The following CHRM3 variants were observed in gnomAD, a reference collection of about 807,000 sequenced individuals.
CHRM3 encodes muscarinic acetylcholine receptor M3.
In CHRM3, 11 loss-of-function variants were observed where a neutral mutation model predicts 41.8. That is an observed-to-expected ratio of 0.26 (90% CI 0.17 to 0.44). CHRM3 has a LOEUF of 0.44. Ranked by LOEUF, CHRM3 falls within the 20% of genes least tolerant of loss-of-function variation. The pLI is 1.00. For missense variants in CHRM3, 571 were observed against 745.4 expected (o/e 0.77, Z 2.72); for synonymous variants, 297 against 301.4 (o/e 0.99, Z 0.15).
chr1:239,676,706 C>T (rs948577364), intron 4 of CHRM3, among the ~76,000 whole-genome samples: 2 of 152,168 alleles, frequency 1.3e-5, no homozygotes, highest in Non-Finnish European at 2.9e-5. Flanking sequence ...AGCTCCTTAA[C>T]CTCAGTTCCC....
intron 3 of CHRM3, among the ~76,000 whole-genome samples, chr1:239,598,583 T>C (rs1665090157): frequency 6.6e-6 from 1 of 152,062 alleles, no homozygotes; most frequent in Non-Finnish European, 1.5e-5. Context: ...AAGACACAAA[T>C]ATGGTTTGAA....
chr1:239,903,898 C>G (rs888456709), intron 6 of CHRM3, among the ~76,000 whole-genome samples: 1 of 152,078 alleles, frequency 6.6e-6, no homozygotes, highest in African/African-American at 2.4e-5. Flanking sequence ...GATGCCTGTC[C>G]CAAACTACAT....
chr1:239,467,046 C>T (rs888416256), intron 1 of CHRM3, among the ~76,000 whole-genome samples: 18 of 152,134 alleles, frequency 1.2e-4, no homozygotes, highest in African/African-American at 4.3e-4. Flanking sequence ...AAATATTTTG[C>T]TGTCCGCTTT....
chr1:239,532,159 C>T (rs532094593), intron 2 of CHRM3, among the ~76,000 whole-genome samples: 1 of 147,914 alleles, frequency 6.8e-6, no homozygotes, highest in Non-Finnish European at 1.5e-5. Context: ...ACTACAGGCG[C>T]TGCCACCACG....
Position 239,860,916 on chromosome 1 carries a change from A to G in CHRM3, c.-20+33538A>G, listed in dbSNP as rs114284561. Reference sequence around the variant, plus strand: ...TTAATCCCTATCAGTTGTAGTCATTATATCTATTTTTTTCTTACAATAACT... The same window carrying G: ...TTAATCCCTATCAGTTGTAGTCATTGTATCTATTTTTTTCTTACAATAACT... On this transcript the variant is annotated intron_variant, in intron 6 of 6. Transcript: ENST00000676153. Among the ~76,000 whole-genome samples the G allele has an allele frequency of 2.5e-3, 376 of 152,296 alleles. 1 individual carries two copies. Among genetic ancestry groups the G allele is most frequent in the African/African-American group, 8.9e-3 (371 of 41,570 alleles).
intron 5 of CHRM3, among the ~76,000 whole-genome samples, chr1:239,787,326 G>A (rs955724348): frequency 1.3e-4 from 20 of 152,082 alleles, no homozygotes; most frequent in African/African-American, 4.6e-4. Context: ...CTGGATTCAG[G>A]GAGTTTGGTT....
intron 1 of CHRM3, among the ~76,000 whole-genome samples, chr1:239,466,147 C>T (rs1257980973): frequency 6.6e-6 from 1 of 152,096 alleles, no homozygotes; most frequent in East Asian, 1.9e-4. Flanking sequence ...GCGCCCGCCA[C>T]CACGCCTGGC....
chr1:239,729,707 T>G (rs1453145817), intron 5 of CHRM3, among the ~76,000 whole-genome samples: 2 of 151,516 alleles, frequency 1.3e-5, no homozygotes, highest in East Asian at 3.9e-4. Context: ...TTGGATGATC[T>G]GTATAACTCA....
chr1:239,393,092 CAAGGTTAT>C (rs1659182009), intron 1 of CHRM3, among the ~76,000 whole-genome samples: 1 of 152,026 alleles, frequency 6.6e-6, no homozygotes, highest in South Asian at 2.1e-4. Context: ...GCCAGGAGTT[CAAGGTTAT>C]AATGTACTAT....
intron 3 of CHRM3, among the ~76,000 whole-genome samples, chr1:239,570,243 C>G (rs1331199603): frequency 6.6e-6 from 1 of 152,144 alleles, no homozygotes; most frequent in Admixed American, 6.5e-5. Flanking sequence ...CTGGGCTTTT[C>G]TGTCCTTCCT....
chr1:239,818,802 CAG>C (rs1202187630), intron 5 of CHRM3, among the ~76,000 whole-genome samples: 1 of 152,170 alleles, frequency 6.6e-6, no homozygotes, highest in Non-Finnish European at 1.5e-5. Flanking sequence ...AAGGCAGAAA[CAG>C]AGAACACAAA....
At chr1:239,801,818 CAGAAGCTTCTAGAACTTTCT>C (rs763828705) in intron 5 of CHRM3, among the ~76,000 whole-genome samples, 72 of 152,170 alleles carry the variant, frequency 4.7e-4, no homozygotes, top group Non-Finnish European at 8.2e-4. Flanking sequence ...AGAAGCTTTC[CAGAAGCTTCTAGAACTTTCT>C]AGAAGCTTTT....
intron 5 of CHRM3, among the ~76,000 whole-genome samples, chr1:239,792,003 A>G (rs1322204033): frequency 6.6e-6 from 1 of 152,242 alleles, no homozygotes; most frequent in Admixed American, 6.5e-5. Context: ...AGAAGAGTTC[A>G]TTGAGAAGGA....
chr1:239,547,819 A>G (rs928487116), intron 3 of CHRM3, among the ~76,000 whole-genome samples: 3 of 152,238 alleles, frequency 2.0e-5, no homozygotes, highest in African/African-American at 7.2e-5. Context: ...AATTTCAAAA[A>G]TGATTAACAA....
At chr1:239,660,833 A>T (rs994741738) in intron 4 of CHRM3, among the ~76,000 whole-genome samples, 1 of 152,182 alleles carries the variant, frequency 6.6e-6, no homozygotes, top group Non-Finnish European at 1.5e-5. Flanking sequence ...GTGAGTCAAG[A>T]TCGTGCCACC....
At chr1:239,887,733 A>C (rs77066966) in intron 6 of CHRM3, among the ~76,000 whole-genome samples, 1 of 152,134 alleles carries the variant, frequency 6.6e-6, no homozygotes, top group East Asian at 1.9e-4. Context: ...AAGTTTTTTA[A>C]AGTGTCGGTT....
At chr1:239,640,441 G>A (rs541658712) in intron 4 of CHRM3, among the ~76,000 whole-genome samples, 1,781 of 152,248 alleles carry the variant, frequency 0.012, 21 homozygotes, top group Middle Eastern at 0.034. Context: ...CACAATTTCA[G>A]ATCCTGTTAT....
At chr1:239,579,021 A>G (rs1662627109) in intron 3 of CHRM3, among the ~76,000 whole-genome samples, 1 of 152,202 alleles carries the variant, frequency 6.6e-6, no homozygotes, top group African/African-American at 2.4e-5. Flanking sequence ...TACTAGAATT[A>G]ATTATTAGCA....
intron 1 of CHRM3, among the ~76,000 whole-genome samples, chr1:239,454,435 C>G (rs1439245004): frequency 6.6e-6 from 1 of 151,834 alleles, no homozygotes; most frequent in African/African-American, 2.4e-5. Flanking sequence ...AGCCACCTTC[C>G]CGGCACCTGG....
Sources: allele counts gnomAD v4.1 joint callset (sites outside exome capture counted in the v4.1 genomes callset), GRCh38; gene constraint gnomAD v4.1.1; transcripts MANE v1.5; gene names NCBI Gene and HGNC (gene_info 2026-07-23, HGNC 2026-07-21).